ZNF385D: variants seen among roughly 807,000 people sequenced by gnomAD.
The protein encoded by ZNF385D is zinc finger protein 659.
ZNF385D carries 15 observed loss-of-function variants against 35.8 expected under a neutral mutation model. The ratio of observed to expected loss-of-function variants is 0.42; its 90% CI spans 0.28 to 0.64. ZNF385D has a LOEUF of 0.64. Ranked by LOEUF, ZNF385D falls within the 30% of genes least tolerant of loss-of-function variation. The pLI is 0.23. For missense variants in ZNF385D, 474 were observed against 494.6 expected (o/e 0.96, Z 0.39); for synonymous variants, 212 against 186.8 (o/e 1.13, Z -1.10).
intron 3 of ZNF385D, among the ~76,000 whole-genome samples, chr3:21,895,297 G>C (rs905673785): frequency 2.1e-5 from 3 of 141,764 alleles, no homozygotes; most frequent in African/African-American, 7.8e-5. Context: ...TTTTGCTATG[G>C]TTGAATCACT....
chr3:21,462,126 G>C (rs1703217258), intron 4 of ZNF385D, among the ~76,000 whole-genome samples: 1 of 152,080 alleles, frequency 6.6e-6, no homozygotes, highest in Admixed American at 6.5e-5. Flanking sequence ...TAATCCCTTA[G>C]ACTAGAAACT....
intron 3 of ZNF385D, chr3:21,961,609 T>C (rs1371366416): frequency 1.3e-5 from 2 of 152,166 alleles, no homozygotes; most frequent in Non-Finnish European, 2.9e-5. Flanking sequence ...AACATTAAAA[T>C]GTCTAAAGTA....
intron 1 of ZNF385D, among the ~76,000 whole-genome samples, chr3:21,748,938 A>G (rs1253694069): frequency 6.6e-6 from 1 of 151,916 alleles, no homozygotes. Context: ...TTTTTTTTAG[A>G]GACAGGTGGG....
chr3:21,525,560 T>G (rs915108778), intron 3 of ZNF385D, among the ~76,000 whole-genome samples: 5 of 151,684 alleles, frequency 3.3e-5, no homozygotes, highest in African/African-American at 1.2e-4. Context: ...GGTGCATGCC[T>G]GTAATCCCAG....
At chr3:22,282,340 C>G (rs1222924844) in intron 2 of ZNF385D, among the ~76,000 whole-genome samples, 1 of 152,016 alleles carries the variant, frequency 6.6e-6, no homozygotes. Context: ...TATTTGAGCT[C>G]TTTCAGACTT....
intron 3 of ZNF385D, among the ~76,000 whole-genome samples, chr3:21,823,893 T>C (rs1194869926): frequency 3.3e-5 from 5 of 152,228 alleles, no homozygotes; most frequent in African/African-American, 1.2e-4. Flanking sequence ...CAATGTATGC[T>C]AATGAATTGC....
intron 3 of ZNF385D, among the ~76,000 whole-genome samples, chr3:21,912,513 A>G (rs554268702): frequency 6.6e-6 from 1 of 152,014 alleles, no homozygotes; most frequent in East Asian, 1.9e-4. Context: ...GAGGAAGCTA[A>G]ATAAACTGAC....
chr3:21,699,280 T>A (rs1575484895), intron 1 of ZNF385D, among the ~76,000 whole-genome samples: 1 of 151,572 alleles, frequency 6.6e-6, no homozygotes, highest in East Asian at 1.9e-4. Context: ...TAAGTGGGAG[T>A]TGAACAATGA....
rs117980945 is a variant in ZNF385D, at chr3:21,727,094, G to A, written c.22+23801C>T. Reference sequence around the variant, plus strand: ...GAAAAGGATTCCCTATTTAATAAGTGGTGGTGGGAAAACTGGCTAGCTATA... The same window carrying A: ...GAAAAGGATTCCCTATTTAATAAGTAGTGGTGGGAAAACTGGCTAGCTATA... On this transcript the variant is annotated intron_variant, in intron 1 of 7. Coordinates refer to ENST00000281523, the MANE Select transcript of ZNF385D (RefSeq NM_024697.3). Among the ~76,000 whole-genome samples, 6 of 152,222 alleles carry A rather than the reference G, an allele frequency of 3.9e-5. No individual in the cohort carries two copies. In the East Asian group the frequency reaches 1.2e-3, roughly 29 times the overall value.
At chr3:22,025,065 C>G (rs1035605859) in intron 3 of ZNF385D, among the ~76,000 whole-genome samples, 1 of 152,170 alleles carries the variant, frequency 6.6e-6, no homozygotes, top group African/African-American at 2.4e-5. Context: ...TGGGACCCTG[C>G]AACTTGGAAT....
intron 4 of ZNF385D, among the ~76,000 whole-genome samples, chr3:21,453,675 A>G (rs1249609627): frequency 6.6e-6 from 1 of 152,046 alleles, no homozygotes; most frequent in African/African-American, 2.4e-5. Context: ...GATGGCTATA[A>G]TAATAAAAAA....
chr3:21,751,535 T>A, upstream of ZNF385D: 2 of 785,984 alleles, frequency 2.5e-6, no homozygotes, highest in Non-Finnish European at 3.1e-6. Context: ...TCTCCAAAAT[T>A]TAACCTCCTC....
chr3:21,711,042 T>TTTTTTTTTG (rs2068085449), intron 1 of ZNF385D, among the ~76,000 whole-genome samples: 2 of 120,034 alleles, frequency 1.7e-5, no homozygotes, highest in Non-Finnish European at 3.4e-5. Context: ...TCTAAAAGTT[T>TTTTTTTTTG]TTTTTTTTTT....
intron 2 of ZNF385D, among the ~76,000 whole-genome samples, chr3:21,592,471 A>G (rs1402287624): frequency 1.3e-5 from 2 of 149,274 alleles, no homozygotes. Flanking sequence ...ACCCTCTTCT[A>G]ATTGTGTTCT....
intron 4 of ZNF385D, among the ~76,000 whole-genome samples, chr3:21,455,335 A>G (rs1228003644): frequency 6.6e-6 from 1 of 152,226 alleles, no homozygotes; most frequent in African/African-American, 2.4e-5. Flanking sequence ...ACTTCAAACT[A>G]TACTACAAGC....
At chr3:21,542,217 G>T (rs2062196484) in intron 3 of ZNF385D, among the ~76,000 whole-genome samples, 1 of 152,080 alleles carries the variant, frequency 6.6e-6, no homozygotes. Flanking sequence ...CAGTTACTTA[G>T]GATATGAATC....
At chr3:21,916,872 A>G (rs1700215848) in intron 3 of ZNF385D, among the ~76,000 whole-genome samples, 1 of 152,180 alleles carries the variant, frequency 6.6e-6, no homozygotes, top group Non-Finnish European at 1.5e-5. Flanking sequence ...GATCTCAATT[A>G]ACATTGACGA....
intron 4 of ZNF385D, among the ~76,000 whole-genome samples, chr3:21,486,635 A>G (rs894492807): frequency 6.6e-6 from 1 of 152,156 alleles, no homozygotes; most frequent in Admixed American, 6.6e-5. Flanking sequence ...ATGATCAGGA[A>G]AGTTCAAATG....
chr3:22,199,651 G>A (rs138962193), intron 2 of ZNF385D, among the ~76,000 whole-genome samples: 27 of 152,166 alleles, frequency 1.8e-4, no homozygotes, highest in African/African-American at 5.3e-4. Context: ...ATTTCTTATC[G>A]TTAGCCTCAT....
Sources: gnomAD v4.1 joint callset for allele counts (sites outside exome capture counted in the v4.1 genomes callset) on GRCh38, gnomAD v4.1.1 for gene constraint, MANE v1.5 for transcripts, NCBI Gene and HGNC (gene_info 2026-07-23, HGNC 2026-07-21) for gene names.